Variants in PTPRD observed in about 807,000 individuals in gnomAD.
PTPRD encodes the protein receptor-type tyrosine-protein phosphatase delta.
A neutral mutation model predicts 214.5 loss-of-function variants in PTPRD; 34 were observed. That is an observed-to-expected ratio of 0.16 (90% CI 0.12 to 0.21). The LOEUF is 0.21. Ranked by LOEUF, PTPRD falls within the 10% of genes least tolerant of loss-of-function variation. PTPRD has a pLI of 1.00. For missense variants in PTPRD, 2,545 were observed against 2,398.7 expected (o/e 1.06, Z -1.27); for synonymous variants, 1,128 against 845.7 (o/e 1.33, Z -5.79).
intron 5 of PTPRD, among the ~76,000 whole-genome samples, chr9:9,870,271 A>G (rs1431450062): frequency 6.6e-6 from 1 of 152,076 alleles, no homozygotes; most frequent in Non-Finnish European, 1.5e-5. Context: ...ATCTTGATAT[A>G]AAAACAATTA....
chr9:8,976,899 T>A (rs2099270940), intron 11 of PTPRD, among the ~76,000 whole-genome samples: 1 of 152,054 alleles, frequency 6.6e-6, no homozygotes, highest in Admixed American at 6.6e-5. Context: ...ATGTTCCTAT[T>A]TTTATCTCTA....
intron 11 of PTPRD, among the ~76,000 whole-genome samples, chr9:8,747,983 G>C (rs903112434): frequency 6.6e-6 from 1 of 152,092 alleles, no homozygotes; most frequent in Non-Finnish European, 1.5e-5. Context: ...TCTTCAAATG[G>C]AGCCACAGAT....
At chr9:10,462,636 C>A (rs994363934) in intron 2 of PTPRD, among the ~76,000 whole-genome samples, 1 of 151,882 alleles carries the variant, frequency 6.6e-6, no homozygotes, top group Non-Finnish European at 1.5e-5. Flanking sequence ...GTGCCTATTT[C>A]CACCAGTCCC....
chr9:8,441,610 G>C (rs2132899338), intron 34 of PTPRD, among the ~76,000 whole-genome samples: 1 of 151,992 alleles, frequency 6.6e-6, no homozygotes, highest in South Asian at 2.1e-4. Flanking sequence ...AAGGAGTGTT[G>C]GGAGTGACAG....
intron 3 of PTPRD, among the ~76,000 whole-genome samples, chr9:10,260,799 T>C (rs1407892191): frequency 6.6e-6 from 1 of 152,000 alleles, no homozygotes; most frequent in African/African-American, 2.4e-5. Flanking sequence ...AGGGCAACAT[T>C]GTTCTGCACA....
At chr9:8,544,502 A>G (rs973006468) in intron 14 of PTPRD, among the ~76,000 whole-genome samples, 2 of 134,384 alleles carry the variant, frequency 1.5e-5, no homozygotes, top group Non-Finnish European at 3.1e-5. Context: ...ACAGAGTCTC[A>G]TCTGTTGTCC....
intron 5 of PTPRD, among the ~76,000 whole-genome samples, chr9:9,803,125 T>C (rs1049731033): frequency 6.6e-6 from 1 of 151,844 alleles, no homozygotes; most frequent in African/African-American, 2.4e-5. Context: ...GCCAGACATG[T>C]AAGCATTACG....
chr9:9,317,146 G>T (rs1306739409), intron 9 of PTPRD, among the ~76,000 whole-genome samples: 1 of 152,118 alleles, frequency 6.6e-6, no homozygotes, highest in Non-Finnish European at 1.5e-5. Context: ...AAGTACATAA[G>T]ATTTCTCATT....
Position 9,753,277 on chromosome 9 carries a change from A to T in PTPRD, c.-326+13533T>A, listed in dbSNP as rs865787316. Among the ~76,000 whole-genome samples the T allele has an allele frequency of 1.6e-4, 24 of 152,086 alleles. No individual in the cohort carries two copies. The Middle Eastern group carries it at 0.014, about 86-fold the overall frequency. The stretch of plus-strand genomic sequence containing the variant: ...TTGTAGCTTCATAGCCCAGAACCAA[A>T]ACGTTTCAAAAAACACTCAATAACA... On this transcript the variant is annotated intron_variant, in intron 6 of 45. Transcript: ENST00000381196.
intron 9 of PTPRD, among the ~76,000 whole-genome samples, chr9:9,296,979 T>G (rs1026592536): frequency 6.6e-6 from 1 of 151,728 alleles, no homozygotes; most frequent in African/African-American, 2.4e-5. Context: ...TAAAACTTCT[T>G]TAACTGTTCA....
At chr9:8,377,794 G>T (rs2083708123) in intron 37 of PTPRD, among the ~76,000 whole-genome samples, 1 of 151,804 alleles carries the variant, frequency 6.6e-6, no homozygotes, top group Non-Finnish European at 1.5e-5. Context: ...GAATTTTTTG[G>T]GTCCAGCAAA....
intron 11 of PTPRD, among the ~76,000 whole-genome samples, chr9:9,010,175 T>G (rs1051183522): frequency 1.3e-5 from 2 of 152,304 alleles, no homozygotes; most frequent in South Asian, 4.1e-4. Flanking sequence ...AGATGGTTGA[T>G]GCAGTTTCTA....
intron 11 of PTPRD, among the ~76,000 whole-genome samples, chr9:8,752,907 G>C (rs1432275730): frequency 2.6e-5 from 4 of 152,078 alleles, no homozygotes; most frequent in Admixed American, 2.0e-4. Context: ...GGGATGGTTT[G>C]GTATACATCA....
chr9:8,326,365 A>T (rs1025878381), intron 44 of PTPRD, among the ~76,000 whole-genome samples: 5 of 152,136 alleles, frequency 3.3e-5, no homozygotes, highest in African/African-American at 1.2e-4. Flanking sequence ...TATGTGATGG[A>T]TTACGTTCAT....
chr9:9,808,322 C>A (rs543032550), intron 5 of PTPRD, among the ~76,000 whole-genome samples: 2 of 152,242 alleles, frequency 1.3e-5, no homozygotes, highest in South Asian at 4.1e-4. Context: ...GTTCTTCTTG[C>A]CCACCTCCAC....
At chr9:9,954,002 G>A (rs564852176) in intron 4 of PTPRD, among the ~76,000 whole-genome samples, 146 of 152,008 alleles carry the variant, frequency 9.6e-4, no homozygotes, top group African/African-American at 2.6e-3. Context: ...TAGGGCACTT[G>A]ATTGAAAGAG....
intron 11 of PTPRD, among the ~76,000 whole-genome samples, chr9:8,947,750 T>G (rs985527506): frequency 2.6e-5 from 4 of 152,268 alleles, no homozygotes; most frequent in African/African-American, 9.6e-5. Flanking sequence ...TGTTCTGTAT[T>G]CCTTCCATGG....
rs577575392 is a variant in PTPRD, at chr9:10,078,917, C to A, written c.-544-45127G>T. On this transcript the variant is annotated intron_variant, in intron 3 of 45. Coordinates refer to ENST00000381196, the MANE Select transcript of PTPRD (RefSeq NM_002839.4). ...TTCAGACTCCTCACCATCTGGTTGC[C>A]TTCTTCTGAAACTTTTCTGGTTGAA... 9.9e-5 allele frequency among the ~76,000 whole-genome samples: 15 copies of A among 152,224 alleles called. No individual in the cohort carries two copies. The East Asian group carries it at 2.5e-3, about 26-fold the overall frequency.
intron 12 of PTPRD, among the ~76,000 whole-genome samples, chr9:8,694,368 C>A (rs933864095): frequency 2.0e-5 from 3 of 151,810 alleles, no homozygotes; most frequent in Admixed American, 6.6e-5. Flanking sequence ...AGCCTCTAAC[C>A]CCAAAACAAA....
Sources: gnomAD v4.1 joint callset for allele counts (sites outside exome capture counted in the v4.1 genomes callset) on GRCh38, gnomAD v4.1.1 for gene constraint, MANE v1.5 for transcripts, NCBI Gene and HGNC (gene_info 2026-07-23, HGNC 2026-07-21) for gene names.